The following EXT2 variants were observed in gnomAD, a reference collection of about 807,000 sequenced individuals.
EXT2 encodes the protein exostosin glycosyltransferase 2.
In EXT2, 53 loss-of-function variants were observed where a neutral mutation model predicts 81.6. The ratio of observed to expected loss-of-function variants is 0.65; its 90% confidence interval spans 0.52 to 0.82. EXT2 has a LOEUF of 0.82. Among genes scored for constraint, EXT2 ranks in the 40% least tolerant of loss-of-function variants. The pLI, the probability that EXT2 is intolerant of heterozygous loss-of-function variation, is 0.00. For synonymous variants in EXT2, 320 were observed against 340.0 expected (o/e 0.94, Z 0.65); for missense variants, 774 against 910.2 (o/e 0.85, Z 1.93).
At chr11:44,184,321 T>G (rs1267726775) in intron 8 of EXT2, among the ~76,000 whole-genome samples, 1 of 152,252 alleles carries the variant, frequency 6.6e-6, no homozygotes, top group African/African-American at 2.4e-5. Context: ...TTTCCCATGT[T>G]ATAGAGCATT....
chr11:44,145,932 A>C (rs1195253148), intron 7 of EXT2, among the ~76,000 whole-genome samples: 1 of 152,244 alleles, frequency 6.6e-6, no homozygotes, highest in South Asian at 2.1e-4. Flanking sequence ...TGTGATGTCC[A>C]TTAGTGTCTA....
Position 44,095,713 on chromosome 11 carries a change from G to C in EXT2, c.-170G>C, listed in dbSNP as rs531222883. On this transcript the variant is annotated 5_prime_UTR_variant, in exon 1 of 14. Coordinates refer to ENST00000533608, the MANE Select transcript of EXT2 (RefSeq NM_207122.2). ...GATCCCGGTTACCGGCCCCTCGCTC[G>C]CTGCTCGCCAGCCCAGACTCGGCCC... 2.0e-5 allele frequency: 3 copies of C among 152,962 alleles called. No individual in the cohort carries two copies. The highest frequency in any genetic ancestry group is 4.8e-5 in the African/African-American group (2 of 41,474). 9.5% of individuals were successfully genotyped at this position (152,962 alleles called of 1,614,324 possible).
chr11:44,153,947 T>C (rs980000381), intron 7 of EXT2, among the ~76,000 whole-genome samples: 4 of 151,906 alleles, frequency 2.6e-5, no homozygotes, highest in African/African-American at 9.7e-5. Flanking sequence ...ATTTTTTGCT[T>C]CTATTTTCAT....
intron 10 of EXT2, among the ~76,000 whole-genome samples, chr11:44,214,570 A>T (rs1256468072): frequency 1.3e-5 from 2 of 151,978 alleles, no homozygotes; most frequent in African/African-American, 2.4e-5. Flanking sequence ...GAATTTGTTC[A>T]TTTTATCTAA....
intron 7 of EXT2, among the ~76,000 whole-genome samples, chr11:44,156,872 T>G (rs927800570): frequency 6.6e-6 from 1 of 152,208 alleles, no homozygotes. Flanking sequence ...TTAGGAAGGC[T>G]TTCTACGTAT....
At chr11:44,144,004 G>A (rs1209652938) in intron 7 of EXT2, among the ~76,000 whole-genome samples, 6 of 152,192 alleles carry the variant, frequency 3.9e-5, no homozygotes, top group African/African-American at 2.4e-5. Context: ...TGTTGTGTTT[G>A]TGTGTGTGTT....
At chr11:44,169,671 A>G (rs1955044079) in intron 7 of EXT2, among the ~76,000 whole-genome samples, 1 of 152,178 alleles carries the variant, frequency 6.6e-6, no homozygotes, top group African/African-American at 2.4e-5. Context: ...CCAGTAACAG[A>G]TTGATTATCC....
intron 9 of EXT2, 87 bp from the exon 10 acceptor site, chr11:44,206,706 C>G: frequency 7.1e-7 from 1 of 1,400,808 alleles, no homozygotes; most frequent in South Asian, 1.2e-5. Context: ...AGCTGATTCT[C>G]CCATCTCATT....
intron 8 of EXT2, among the ~76,000 whole-genome samples, chr11:44,185,679 C>T (rs1955301017): frequency 6.6e-6 from 1 of 152,206 alleles, no homozygotes; most frequent in African/African-American, 2.4e-5. Flanking sequence ...CTCCTAACAG[C>T]TCAAACTATA....
intron 13 of EXT2, 35 bp downstream of exon 13, chr11:44,236,410 C>G (rs143766528): frequency 6.3e-7 from 1 of 1,593,202 alleles, no homozygotes; most frequent in Non-Finnish European, 8.6e-7. Context: ...GCGCCTTAGC[C>G]TCTGATCTCT....
chr11:44,237,130 G>T (rs1030433746), intron 13 of EXT2, among the ~76,000 whole-genome samples: 9 of 151,744 alleles, frequency 5.9e-5, no homozygotes, highest in Non-Finnish European at 7.4e-5. Flanking sequence ...GCTTGTCAGG[G>T]GACCAAAATG....
At chr11:44,212,621 A>G (rs1405011741) in intron 10 of EXT2, among the ~76,000 whole-genome samples, 4 of 152,182 alleles carry the variant, frequency 2.6e-5, no homozygotes, top group Non-Finnish European at 2.9e-5. Flanking sequence ...AGCTTCCAAA[A>G]GAAATATATA....
chr11:44,131,406 A>G (rs752622928), intron 7 of EXT2, among the ~76,000 whole-genome samples: 4 of 152,308 alleles, frequency 2.6e-5, no homozygotes, highest in Non-Finnish European at 4.4e-5. Flanking sequence ...TGGCTTGGGT[A>G]TCAGCTCTGT....
intron 8 of EXT2, among the ~76,000 whole-genome samples, chr11:44,191,201 A>G (rs1011801658): frequency 2.0e-5 from 3 of 152,234 alleles, no homozygotes; most frequent in African/African-American, 7.2e-5. Context: ...TTGCAATTTA[A>G]CAATGTGAGA....
chr11:44,205,869 C>T (rs1007991489), intron 9 of EXT2, among the ~76,000 whole-genome samples: 1 of 152,130 alleles, frequency 6.6e-6, no homozygotes, highest in Non-Finnish European at 1.5e-5. Flanking sequence ...GTGTAAAGAA[C>T]AAACTGCCCT....
At chr11:44,190,084 G>C (rs1365444205) in intron 8 of EXT2, among the ~76,000 whole-genome samples, 1 of 152,120 alleles carries the variant, frequency 6.6e-6, no homozygotes, top group Non-Finnish European at 1.5e-5. Context: ...TGATGCTAAT[G>C]CTTAACTCTT....
intron 8 of EXT2, among the ~76,000 whole-genome samples, chr11:44,174,017 T>A (rs1565222085): frequency 1.3e-5 from 2 of 152,218 alleles, no homozygotes; most frequent in Non-Finnish European, 2.9e-5. Flanking sequence ...AAATTGCCCT[T>A]TCAAAAGACT....
intron 9 of EXT2, among the ~76,000 whole-genome samples, chr11:44,203,596 C>T (rs1031806124): frequency 1.3e-5 from 2 of 152,140 alleles, no homozygotes; most frequent in Non-Finnish European, 2.9e-5. Flanking sequence ...ATCCACATAA[C>T]TTGCTGGGAA....
chr11:44,102,883 TG>T (rs1459225208), intron 1 of EXT2, among the ~76,000 whole-genome samples: 1 of 152,224 alleles, frequency 6.6e-6, no homozygotes. Flanking sequence ...GTTTTTTGTT[TG>T]TTTTGTTTTC....
Sources: gnomAD v4.1 joint callset for allele counts (sites outside exome capture counted in the v4.1 genomes callset) on GRCh38, gnomAD v4.1.1 for gene constraint, MANE v1.5 for transcripts, NCBI Gene and HGNC (gene_info 2026-07-23, HGNC 2026-07-21) for gene names.